SLC22A24: variants seen among roughly 807,000 people sequenced by gnomAD.
SLC22A24 encodes solute carrier family 22 member 24.
In SLC22A24, 53 loss-of-function variants were observed where a neutral mutation model predicts 49.8. The observed-to-expected ratio is 1.06, with a 90% CI of 0.85 to 1.34. The LOEUF (loss-of-function observed/expected upper bound fraction) is 1.34. SLC22A24 is among the 40% of genes most tolerant of loss of function. The pLI is 0.00. For missense variants in SLC22A24, 786 were observed against 675.9 expected, an observed-to-expected ratio of 1.16 and a Z score of -1.81; for synonymous variants, 302 against 256.4, an observed-to-expected ratio of 1.18 and a Z score of -1.70.
intron 2 of SLC22A24, among the ~76,000 whole-genome samples, chr11:63,120,988 T>G (rs1319449056): frequency 2.0e-5 from 3 of 152,058 alleles, no homozygotes; most frequent in Non-Finnish European, 1.5e-5. Context: ...TGGTAGTGGT[T>G]GCCCCCAGAT....
intron 1 of SLC22A24, among the ~76,000 whole-genome samples, chr11:63,136,907 A>T (rs1015767338): frequency 7.9e-5 from 12 of 152,194 alleles, no homozygotes; most frequent in Admixed American, 6.5e-4. Context: ...ATGGAGACAT[A>T]GTCATGGGGA....
intron 5 of SLC22A24, among the ~76,000 whole-genome samples, chr11:63,101,813 G>A (rs554447665): frequency 6.6e-6 from 1 of 152,216 alleles, no homozygotes; most frequent in African/African-American, 2.4e-5. Flanking sequence ...AGGTCATTAT[G>A]TTAAGTGAAA....
chr11:63,111,168 T>C (rs1378500029), intron 4 of SLC22A24, among the ~76,000 whole-genome samples: 1 of 152,124 alleles, frequency 6.6e-6, no homozygotes, highest in African/African-American at 2.4e-5. Flanking sequence ...TTTGTGTATG[T>C]TGAACCAGCC....
intron 2 of SLC22A24, among the ~76,000 whole-genome samples, chr11:63,119,918 T>C (rs902132273): frequency 6.6e-6 from 1 of 152,102 alleles, no homozygotes; most frequent in Non-Finnish European, 1.5e-5. Flanking sequence ...ATAAATGTCT[T>C]CTTTTGAGAA....
At position 63,118,252 on chromosome 11, in the gene SLC22A24, G is replaced by T. The variant is rs190982059; in HGVS notation, c.830+660C>A. On this transcript the variant is annotated intron_variant, in intron 4 of 9. Coordinates refer to ENST00000612278, the MANE Select transcript of SLC22A24 (RefSeq NM_001136506.2). ...TTTTTTCAAGGCTGCAGCATAGCTGGAGAGTAGGAACTGAAACTAAGATAT... is the reference window on the plus strand; with the variant it reads ...TTTTTTCAAGGCTGCAGCATAGCTGTAGAGTAGGAACTGAAACTAAGATAT... 2.4e-3 allele frequency among the ~76,000 whole-genome samples: 369 copies of T among 152,230 alleles called. 4 individuals are homozygous for T. Among genetic ancestry groups the T allele is most frequent in the Non-Finnish European group, 2.5e-3 (167 of 68,020 alleles).
At chr11:63,088,705 A>G (rs1413488188) in intron 6 of SLC22A24, among the ~76,000 whole-genome samples, 3 of 152,084 alleles carry the variant, frequency 2.0e-5, no homozygotes, top group Admixed American at 1.3e-4. Context: ...ACTGCTAACT[A>G]GAATGACCAG....
At chr11:63,139,232 T>C (rs1221719452) in intron 1 of SLC22A24, among the ~76,000 whole-genome samples, 2 of 152,280 alleles carry the variant, frequency 1.3e-5, no homozygotes, top group African/African-American at 4.8e-5. Flanking sequence ...CTAAGATAAT[T>C]TCTGGTAGCC....
intron 6 of SLC22A24, among the ~76,000 whole-genome samples, chr11:63,084,165 C>G (rs1181278934): frequency 6.6e-6 from 1 of 152,162 alleles, no homozygotes; most frequent in Non-Finnish European, 1.5e-5. Context: ...CTTAGTGAGG[C>G]TGCAAGGGCA....
At chr11:63,112,136 C>T (rs531214320) in intron 4 of SLC22A24, among the ~76,000 whole-genome samples, 4 of 152,148 alleles carry the variant, frequency 2.6e-5, no homozygotes, top group Non-Finnish European at 5.9e-5. Context: ...GCAGGTTGTT[C>T]ATTTTCCATG....
intron 2 of SLC22A24, among the ~76,000 whole-genome samples, chr11:63,121,222 CT>C (rs2087249372): frequency 6.6e-6 from 1 of 152,000 alleles, no homozygotes; most frequent in Non-Finnish European, 1.5e-5. Flanking sequence ...ATATGGGAAA[CT>C]TTGTGGAAGG....
rs1484210157 is a variant in SLC22A24 at position 63,143,875 on chromosome 11, T to C, written c.-96A>G. On this transcript the variant is annotated 5_prime_UTR_variant, in exon 1 of 10. Transcript: ENST00000612278. ...GTCCCCTTTCACAAAGTTACCATAG[T>C]GCCATGTGGATCCTGACACTGCTTT... The C allele has an allele frequency of 9.3e-7, 1 of 1,070,400 alleles. No homozygotes were observed. The highest frequency in any genetic ancestry group is 1.2e-6 in the Non-Finnish European group (1 of 819,582). 66.3% of individuals were successfully genotyped at this position (1,070,400 alleles called of 1,614,324 possible).
At chr11:63,085,900 T>C (rs1256152966) in intron 6 of SLC22A24, among the ~76,000 whole-genome samples, 1 of 152,222 alleles carries the variant, frequency 6.6e-6, no homozygotes, top group Non-Finnish European at 1.5e-5. Context: ...ATATTAGCAC[T>C]ATCAGGGACT....
intron 6 of SLC22A24, 119 bp from the exon 7 acceptor site, chr11:63,083,576 G>T (rs769520133): frequency 1.3e-4 from 97 of 774,926 alleles, no homozygotes; most frequent in Non-Finnish European, 1.7e-4. Context: ...ATTGGCAAAT[G>T]GTGTTTTTCC....
intron 4 of SLC22A24, among the ~76,000 whole-genome samples, chr11:63,115,402 G>T (rs1197435798): frequency 6.6e-6 from 1 of 152,218 alleles, no homozygotes; most frequent in African/African-American, 2.4e-5. Flanking sequence ...TGGTCTGCTG[G>T]TTGCTAAGAC....
intron 5 of SLC22A24, among the ~76,000 whole-genome samples, chr11:63,100,780 G>T (rs558820092): frequency 6.6e-6 from 1 of 151,984 alleles, no homozygotes; most frequent in Non-Finnish European, 1.5e-5. Flanking sequence ...TTTGACAAAG[G>T]TACTAAGAAA....
chr11:63,081,032 G>C lies in SLC22A24; in HGVS notation c.1486C>G (p.Leu496Val). ...LMTLMAYSPH[L>V]PWISYGVFPI... Reference sequence around the variant, plus strand: ...AAGACTCCATAGGAAATCCAGGGTAGGTGGGGAGAATACGCCATTAAGGTC... The same window carrying C: ...AAGACTCCATAGGAAATCCAGGGTACGTGGGGAGAATACGCCATTAAGGTC... Residue 496 changes from leucine (L) to valine (V), a missense_variant, in exon 9 of 10, where the codon CTA becomes GTA. Leu to Val is a conservative substitution (Grantham distance 32). Transcript: ENST00000612278. 6.4e-7 allele frequency: 1 copy of C among 1,551,720 alleles called. No homozygotes were observed. The highest frequency in any genetic ancestry group is 8.7e-7 in the Non-Finnish European group (1 of 1,147,006).
chr11:63,102,402 A>T (rs1200699360), intron 5 of SLC22A24, among the ~76,000 whole-genome samples: 1 of 152,152 alleles, frequency 6.6e-6, no homozygotes, highest in Non-Finnish European at 1.5e-5. Flanking sequence ...AAAAAAATAC[A>T]GCCTCTAGGA....
intron 2 of SLC22A24, among the ~76,000 whole-genome samples, chr11:63,129,870 A>AT (rs2087321077): frequency 6.6e-6 from 1 of 152,100 alleles, no homozygotes; most frequent in Non-Finnish European, 1.5e-5. Flanking sequence ...GCTTAAGGAG[A>AT]TTTTGGCTGA....
At chr11:63,081,507 A>G (rs1189995433) in intron 8 of SLC22A24, 51 bp downstream of exon 8, 18 of 1,278,090 alleles carry the variant, frequency 1.4e-5, no homozygotes, top group South Asian at 1.0e-4. Context: ...ATGAATATCA[A>G]TAAATTCAGA....
Sources: gnomAD v4.1 joint callset for allele counts (sites outside exome capture counted in the v4.1 genomes callset) on GRCh38, gnomAD v4.1.1 for gene constraint, MANE v1.5 for transcripts, NCBI Gene and HGNC (gene_info 2026-07-23, HGNC 2026-07-21) for gene names.